The following PIEZO1 variants were observed in gnomAD, a reference collection of about 807,000 sequenced individuals.
PIEZO1 encodes the protein piezo-type mechanosensitive ion channel component 1.
PIEZO1 carries 296 observed loss-of-function variants against 297.2 expected under a neutral mutation model. The observed-to-expected ratio is 1.00, with a 90% CI of 0.91 to 1.10. The LOEUF (loss-of-function observed/expected upper bound fraction) is 1.10. Among genes scored for constraint, PIEZO1 ranks in the 50% least tolerant of loss-of-function variants. The probability of loss-of-function intolerance (pLI) is 0.00; values close to 1 mark genes in which losing one functional copy is unlikely to be tolerated. For synonymous variants in PIEZO1, 2,427 were observed against 1,507.5 expected, an observed-to-expected ratio of 1.61 and a Z score of -14.13; for missense variants, 5,018 against 3,455.5, an observed-to-expected ratio of 1.45 and a Z score of -11.34.
chr16:88,737,939 C>T lies in PIEZO1; in HGVS notation c.1015G>A (p.Gly339Ser), dbSNP rs374212543. 2.2e-5 allele frequency: 33 copies of T among 1,529,754 alleles called. No homozygotes were observed. The highest frequency in any genetic ancestry group is 1.4e-4 in the South Asian group (12 of 83,506). The allele number at this position is 1,529,754 out of a possible 1,614,324, so 94.8% of individuals were successfully genotyped here. Residue 339 changes from glycine (G) to serine (S), a missense_variant, in exon 8 of 51, where the codon GGC becomes AGC. By Grantham distance (56) the Gly-to-Ser change is moderately conservative (BLOSUM62 0). Coordinates refer to ENST00000301015, the MANE Select transcript of PIEZO1 (RefSeq NM_001142864.4). Reference sequence around the variant, plus strand: ...CATGGGTGGCAGGTGCTCACCTGGCCGGAGGGGCGGTACGCGCGGAGCTTG... The same window carrying T: ...CATGGGTGGCAGGTGCTCACCTGGCTGGAGGGGCGGTACGCGCGGAGCTTG... ...LRKLRAYRPS[G>S]QRKEAAKGYE...
intron 40 of PIEZO1, 40 bp downstream of exon 40, chr16:88,720,576 C>T: frequency 6.5e-7 from 1 of 1,542,952 alleles, no homozygotes. Flanking sequence ...CCCGCCTCCC[C>T]ACCCCCACTC....
chr16:88,716,115 C>T lies in PIEZO1; in HGVS notation c.7134G>A (p.Glu2378=), dbSNP rs1226218443. Residue 2378 remains glutamate, a synonymous_variant, in exon 50 of 51, where the codon GAG becomes GAA. Transcript: ENST00000301015. Reference sequence around the variant, plus strand: ...TACGCACGCCGAGGTAGTCGGCCTCCTCATCTGGGATGGAGGGAGAAGATC... The same window carrying T: ...TACGCACGCCGAGGTAGTCGGCCTCTTCATCTGGGATGGAGGGAGAAGATC... ...ANPVKQLQPN[E]EADYLGVRIQ... 5.2e-6 allele frequency: 8 copies of T among 1,544,270 alleles called. No individual in the cohort carries two copies. The highest frequency in any genetic ancestry group is 1.4e-5 in the African/African-American group (1 of 72,958).
intron 26 of PIEZO1, 25 bp downstream of exon 26, chr16:88,726,522 C>T: frequency 6.5e-7 from 1 of 1,547,084 alleles, no homozygotes; most frequent in Non-Finnish European, 8.7e-7. Context: ...CCACGCCCTC[C>T]CCCGCCACCG....
chr16:88,770,212 T>C (rs1026374419), intron 1 of PIEZO1, among the ~76,000 whole-genome samples: 4 of 152,070 alleles, frequency 2.6e-5, no homozygotes, highest in African/African-American at 9.7e-5. Context: ...AGAGGAGGCC[T>C]GCAGGCAGCC....
At chr16:88,723,187 C>G (rs769063977) in intron 32 of PIEZO1, 36 bp from the exon 33 acceptor site, 1 of 1,549,162 alleles carries the variant, frequency 6.5e-7, no homozygotes, top group African/African-American at 1.4e-5. Flanking sequence ...CTGGCAGTCC[C>G]GCGGCTTCCC....
At chr16:88,781,114 G>C (rs554453943) in intron 1 of PIEZO1, among the ~76,000 whole-genome samples, 1 of 152,346 alleles carries the variant, frequency 6.6e-6, no homozygotes, top group African/African-American at 2.4e-5. Context: ...GACTGCGGTG[G>C]TCCCATCTCA....
rs375246236 is a variant in PIEZO1 at position 88,773,236 on chromosome 16, C to A, written c.64+11665G>T. 1.5e-4 allele frequency among the ~76,000 whole-genome samples: 23 copies of A among 152,378 alleles called. No individual in the cohort carries two copies. In the East Asian group the frequency reaches 2.1e-3, roughly 14 times the overall value. On this transcript the variant is annotated intron_variant, in intron 1 of 50. Transcript: ENST00000301015. Reference sequence around the variant, plus strand: ...CCGGCGTCACGCCCAGGCCCTCGCTCAGGGGATCTGAGTAGAGGGGAGGCC... The same window carrying A: ...CCGGCGTCACGCCCAGGCCCTCGCTAAGGGGATCTGAGTAGAGGGGAGGCC...
chr16:88,723,525 T>C (rs773202883), intron 31 of PIEZO1, among the ~76,000 whole-genome samples, 197 bp from the exon 32 acceptor site: 44 of 152,180 alleles, frequency 2.9e-4, no homozygotes, highest in Non-Finnish European at 5.2e-4. Context: ...AGGAGTTGGG[T>C]GGGCTGGTCT....
chr16:88,780,399 G>GT (rs71158757), intron 1 of PIEZO1, among the ~76,000 whole-genome samples: 1 of 151,884 alleles, frequency 6.6e-6, no homozygotes, highest in South Asian at 2.1e-4. Context: ...GGTAGGGGAA[G>GT]GGGGGGTCCC....
chr16:88,716,532 A>T, intron 47 of PIEZO1, 27 bp downstream of exon 47: 2 of 1,537,226 alleles, frequency 1.3e-6, no homozygotes, highest in Non-Finnish European at 8.8e-7. Flanking sequence ...CCACCCACCC[A>T]GGCACTGCCC....
chr16:88,777,679 G>A (rs1342689760), intron 1 of PIEZO1, among the ~76,000 whole-genome samples: 1 of 152,236 alleles, frequency 6.6e-6, no homozygotes, highest in Non-Finnish European at 1.5e-5. Flanking sequence ...CAGAAATCAA[G>A]TAAATGAGGG....
rs774583059 is a variant in PIEZO1 at position 88,726,873 on chromosome 16, G to A, written c.3541C>T (p.Arg1181Cys). The change falls in exon 25 of 51, where the codon CGC (arginine) becomes TGC (cysteine). Residue 1181 changes from arginine to cysteine, a missense_variant. Coordinates refer to ENST00000301015, the MANE Select transcript of PIEZO1 (RefSeq NM_001142864.4). ...LVVVFVTGAT[R>C]ISIFGLGYLL... ...TAGCCCAGCCCGAAGATGCTGATGC[G>A]GGTGGCCCCCGTGACAAACACCACC... 49 of 1,550,260 alleles carry A rather than the reference G, an allele frequency of 3.2e-5. No individual in the cohort carries two copies. The African/African-American group carries it at 4.7e-4, about 15-fold the overall frequency.
Position 88,736,753 on chromosome 16 carries a change from C to G in PIEZO1, c.1196-14G>C. The G allele has an allele frequency of 6.7e-7, 1 of 1,489,150 alleles. No homozygotes were observed. The highest frequency in any genetic ancestry group is 2.5e-5 in the East Asian group (1 of 40,186). 92.2% of individuals were successfully genotyped at this position (1,489,150 alleles called of 1,614,324 possible). On this transcript the variant is annotated splice_polypyrimidine_tract_variant and intron_variant, in intron 10 of 50. Transcript: ENST00000301015. ...GCTTGGGCCGCACTGCAGGTGGGGACAGCGGTCAGCTTCGGCAGGTTGATC... is the reference window on the plus strand; with the variant it reads ...GCTTGGGCCGCACTGCAGGTGGGGAGAGCGGTCAGCTTCGGCAGGTTGATC...
At position 88,722,051 on chromosome 16, in the gene PIEZO1, T is replaced by G. The variant is rs969374594; in HGVS notation, c.4971A>C (p.Pro1657=). The G allele has an allele frequency of 6.5e-7, 1 of 1,546,640 alleles. No individual in the cohort carries two copies. Among genetic ancestry groups the G allele is most frequent in the Non-Finnish European group, 8.7e-7 (1 of 1,145,802 alleles). Residue 1657 remains proline (P), a synonymous_variant, in exon 37 of 51, where the codon CCA becomes CCC. Transcript: ENST00000301015. ...ELLLDRRLRI[P]ELEEAELFAE... ...CAAACAGCTCTGCCTCCTCCAGCTC[T>G]GGGATGCGCAGGCGCCTACAGGGAG...
chr16:88,744,662 C>G (rs893097643), intron 2 of PIEZO1, among the ~76,000 whole-genome samples: 2 of 151,494 alleles, frequency 1.3e-5, no homozygotes, highest in Non-Finnish European at 2.9e-5. Context: ...TCCCCTTTCC[C>G]TGCCTCCTTC....
chr16:88,738,555 C>T lies in PIEZO1; in HGVS notation c.634+13G>A, dbSNP rs1224413613. The stretch of plus-strand genomic sequence containing the variant: ...CCAGTGTGACTGCCAGTGCCCCCTG[C>T]CTCGGTGCGTACCTGCCAGTGCAAG... On this transcript the variant is annotated intron_variant, in intron 6 of 50. Coordinates refer to ENST00000301015, the MANE Select transcript of PIEZO1 (RefSeq NM_001142864.4). 1 of 1,532,196 alleles carries T rather than the reference C, an allele frequency of 6.5e-7. No individual in the cohort carries two copies. The highest frequency in any genetic ancestry group is 1.4e-5 in the African/African-American group (1 of 72,974). The allele number at this position is 1,532,196 out of a possible 1,614,324, so 94.9% of individuals were successfully genotyped here.
chr16:88,717,894 G>C (rs947415147), intron 44 of PIEZO1: 1 of 405,934 alleles, frequency 2.5e-6, no homozygotes, highest in Non-Finnish European at 4.8e-6. Flanking sequence ...GCACTTTGAG[G>C]TCAGGAGTTT....
At chr16:88,782,174 A>G (rs914692551) in intron 1 of PIEZO1, among the ~76,000 whole-genome samples, 2 of 152,068 alleles carry the variant, frequency 1.3e-5, no homozygotes, top group Non-Finnish European at 2.9e-5. Context: ...CAGTCATACA[A>G]TCATGGCTCA....
At chr16:88,784,760 G>T in intron 1 of PIEZO1, 141 bp downstream of exon 1, 2 of 518,516 alleles carry the variant, frequency 3.9e-6, no homozygotes, top group East Asian at 4.3e-5. Context: ...GAATGCGGGC[G>T]CCCGGGTCGC....
Sources: allele counts gnomAD v4.1 joint callset (sites outside exome capture counted in the v4.1 genomes callset), GRCh38; gene constraint gnomAD v4.1.1; transcripts MANE v1.5; gene names NCBI Gene and HGNC (gene_info 2026-07-23, HGNC 2026-07-21).